Variants in ATOSA observed in about 807,000 individuals in gnomAD.
ATOSA encodes atos homolog protein A.
the ATOSA span, among the ~76,000 whole-genome samples, chr15:52,674,580 T>C: frequency 6.6e-6 from 1 of 152,198 alleles, no homozygotes; most frequent in African/African-American, 2.4e-5. Context: ...TAATAGCAAA[T>C]GACAATATAA....
the ATOSA span, chr15:52,584,816 C>T: frequency 1.2e-6 from 2 of 1,613,630 alleles, no homozygotes; most frequent in Non-Finnish European, 1.7e-6. Context: ...CACTTCTCTT[C>T]ACTTCTTGTT....
chr15:52,639,197 A>G, the ATOSA span, among the ~76,000 whole-genome samples: 1 of 152,156 alleles, frequency 6.6e-6, no homozygotes, highest in African/African-American at 2.4e-5. Context: ...TGGGCCTGAA[A>G]ATCAGACTAG....
chr15:52,610,268 A>G, the ATOSA span: 4 of 1,614,032 alleles, frequency 2.5e-6, no homozygotes, highest in Non-Finnish European at 3.4e-6. Context: ...TGTCTGGGCA[A>G]GGACTGAACA....
chr15:52,672,052 C>A, the ATOSA span, among the ~76,000 whole-genome samples: 1 of 150,252 alleles, frequency 6.7e-6, no homozygotes, highest in Non-Finnish European at 1.5e-5. Context: ...TAATAAGAGT[C>A]TGGGCCAGGT....
chr15:52,678,567 C>G, the ATOSA span: 1 of 156,704 alleles, frequency 6.4e-6, no homozygotes, highest in Non-Finnish European at 1.4e-5. Flanking sequence ...CCCGCCGGGC[C>G]TCACCTGTGT....
At chr15:52,606,206 G>A in the ATOSA span, among the ~76,000 whole-genome samples, 1 of 151,864 alleles carries the variant, frequency 6.6e-6, no homozygotes, top group African/African-American at 2.4e-5. Flanking sequence ...GATATAATTT[G>A]GTGGAACATG....
the ATOSA span, among the ~76,000 whole-genome samples, chr15:52,707,710 A>T: frequency 6.6e-6 from 1 of 152,194 alleles, no homozygotes; most frequent in African/African-American, 2.4e-5. Flanking sequence ...GTCTTAGAAA[A>T]TATACACTGA....
chr15:52,619,087 G>A, the ATOSA span, among the ~76,000 whole-genome samples: 6 of 152,136 alleles, frequency 3.9e-5, no homozygotes, highest in African/African-American at 1.4e-4. Context: ...GAATACTATG[G>A]ATTATACAAT....
chr15:52,593,749 A>G, the ATOSA span: 1 of 1,518,400 alleles, frequency 6.6e-7, no homozygotes, highest in African/African-American at 1.4e-5. Flanking sequence ...GGAAGACAAA[A>G]TAATTTTAAA....
the ATOSA span, among the ~76,000 whole-genome samples, chr15:52,589,769 G>C: frequency 6.6e-6 from 1 of 151,886 alleles, no homozygotes; most frequent in Non-Finnish European, 1.5e-5. Flanking sequence ...TAACACAAAA[G>C]AGAAAAACAC....
the ATOSA span, among the ~76,000 whole-genome samples, chr15:52,593,934 A>C: frequency 6.6e-6 from 1 of 152,222 alleles, no homozygotes; most frequent in African/African-American, 2.4e-5. Context: ...CTTGAAGTCA[A>C]CTGCATCTCC....
the ATOSA span, among the ~76,000 whole-genome samples, chr15:52,662,265 A>C: frequency 1.3e-5 from 2 of 152,208 alleles, no homozygotes; most frequent in Non-Finnish European, 2.9e-5. Context: ...TATTAGTATC[A>C]TGGGGACTCC....
the ATOSA span, chr15:52,584,699 TAG>T: frequency 6.5e-7 from 1 of 1,536,894 alleles, no homozygotes; most frequent in East Asian, 2.3e-5. Flanking sequence ...CTAAAAATTT[TAG>T]AGTTGTTCTA....
chr15:52,605,302 T>A, the ATOSA span: 2 of 1,284,230 alleles, frequency 1.6e-6, no homozygotes, highest in South Asian at 2.7e-5. Flanking sequence ...TTTAAAGAAC[T>A]TGGACAGTGT....
At chr15:52,683,536 A>G in the ATOSA span, among the ~76,000 whole-genome samples, 1 of 152,242 alleles carries the variant, frequency 6.6e-6, no homozygotes, top group East Asian at 1.9e-4. Context: ...CACACCCCAA[A>G]GAGCAAATGG....
the ATOSA span, chr15:52,587,259 A>G: frequency 6.5e-7 from 1 of 1,529,538 alleles, no homozygotes; most frequent in East Asian, 2.3e-5. Context: ...AAACTGATGC[A>G]TATGTACATA....
At chr15:52,600,564 T>A in the ATOSA span, among the ~76,000 whole-genome samples, 1 of 152,206 alleles carries the variant, frequency 6.6e-6, no homozygotes, top group African/African-American at 2.4e-5. Context: ...CCAGATTTTA[T>A]CTTTCTTTAT....
the ATOSA span, among the ~76,000 whole-genome samples, chr15:52,655,045 C>T: frequency 6.6e-6 from 1 of 151,970 alleles, no homozygotes; most frequent in African/African-American, 2.4e-5. Flanking sequence ...GTTGTTATCC[C>T]CACAGATTAA....
the ATOSA span, among the ~76,000 whole-genome samples, chr15:52,680,040 C>T: frequency 2.0e-5 from 3 of 148,422 alleles, no homozygotes; most frequent in Non-Finnish European, 4.5e-5. Flanking sequence ...ACCCAAGCTT[C>T]CAAGACACTC....
Sources: gnomAD v4.1 joint callset for allele counts (sites outside exome capture counted in the v4.1 genomes callset) on GRCh38, gnomAD v4.1.1 for gene constraint, MANE v1.5 for transcripts, NCBI Gene and HGNC (gene_info 2026-07-23, HGNC 2026-07-21) for gene names.